PHLPP1: variants seen among roughly 807,000 people sequenced by gnomAD.
PHLPP1 encodes PH domain and leucine rich repeat protein phosphatase 1.
Under a neutral mutation model 117.2 loss-of-function variants are expected in PHLPP1, and 42 were observed. The observed-to-expected ratio is 0.36, with a 90% confidence interval of 0.28 to 0.46. PHLPP1 has a LOEUF of 0.46. Among genes scored for constraint, PHLPP1 ranks in the 20% least tolerant of loss-of-function variants. The pLI, the probability that PHLPP1 is intolerant of heterozygous loss-of-function variation, is 1.00. For missense variants in PHLPP1, 2,084 were observed against 2,241.9 expected, an observed-to-expected ratio of 0.93 and a Z score of 1.42; for synonymous variants, 1,042 against 970.7, an observed-to-expected ratio of 1.07 and a Z score of -1.37.
intron 14 of PHLPP1, among the ~76,000 whole-genome samples, chr18:62,968,340 A>G (rs1910960735): frequency 6.6e-6 from 1 of 152,110 alleles, no homozygotes; most frequent in Non-Finnish European, 1.5e-5. Context: ...AGCCTTCTTA[A>G]ATATTTAAAA....
intron 1 of PHLPP1, among the ~76,000 whole-genome samples, chr18:62,768,979 T>A (rs1274521364): frequency 6.6e-6 from 1 of 152,220 alleles, no homozygotes; most frequent in Non-Finnish European, 1.5e-5. Context: ...ATGGCTGCTA[T>A]CCTCATTGAT....
intron 1 of PHLPP1, among the ~76,000 whole-genome samples, chr18:62,807,865 G>T (rs1324146643): frequency 1.3e-5 from 2 of 152,196 alleles, no homozygotes; most frequent in African/African-American, 4.8e-5. Context: ...GTGGGTCAGT[G>T]AGTGAGTGGT....
Position 62,717,240 on chromosome 18 carries a change from C to T in PHLPP1, c.1557C>T (p.Cys519=), listed in dbSNP as rs751430213. ...AAGGCATGGACTCGGAGATTGGCTG[C>T]CTCATCCGCTTCTATGCAGGTAAGG... ...QEEGMDSEIG[C]LIRFYAGKPH... Residue 519 remains cysteine (C), a synonymous_variant, in exon 1 of 17, where the codon TGC becomes TGT. Transcript: ENST00000262719. 2 of 1,595,170 alleles carry T rather than the reference C, an allele frequency of 1.3e-6. No homozygotes were observed. The highest frequency in any genetic ancestry group is 1.3e-5 in the African/African-American group (1 of 74,608).
chr18:62,743,759 C>T (rs1478695360), intron 1 of PHLPP1, among the ~76,000 whole-genome samples: 2 of 151,972 alleles, frequency 1.3e-5, no homozygotes, highest in East Asian at 3.9e-4. Context: ...GCTCTTCTTC[C>T]CTCTCCTCTT....
intron 14 of PHLPP1, among the ~76,000 whole-genome samples, chr18:62,965,392 C>G (rs1297590104): frequency 4.6e-5 from 7 of 150,788 alleles, no homozygotes; most frequent in African/African-American, 1.7e-4. Flanking sequence ...GCCTTCCTGT[C>G]AGGTCATTTC....
intron 1 of PHLPP1, among the ~76,000 whole-genome samples, chr18:62,809,081 A>G (rs976395079): frequency 1.3e-5 from 2 of 152,218 alleles, no homozygotes; most frequent in African/African-American, 4.8e-5. Context: ...AGAATATTAA[A>G]TCTTTCTAAA....
chr18:62,852,104 T>C (rs1038740167), intron 3 of PHLPP1, among the ~76,000 whole-genome samples: 3 of 151,586 alleles, frequency 2.0e-5, no homozygotes, highest in African/African-American at 7.3e-5. Context: ...GGCCTCAATC[T>C]CCTGGACTCA....
intron 4 of PHLPP1, among the ~76,000 whole-genome samples, chr18:62,894,354 C>T (rs1916501412): frequency 6.6e-6 from 1 of 152,060 alleles, no homozygotes; most frequent in South Asian, 2.1e-4. Context: ...CACCACCAGG[C>T]CCGGCTAATT....
chr18:62,815,238 A>T (rs1192423242), intron 1 of PHLPP1, among the ~76,000 whole-genome samples: 1 of 150,978 alleles, frequency 6.6e-6, no homozygotes, highest in Non-Finnish European at 1.5e-5. Context: ...GCTCACTGCA[A>T]GCTCTGCCTC....
chr18:62,810,669 C>A (rs1419669172), intron 1 of PHLPP1, among the ~76,000 whole-genome samples: 2 of 152,150 alleles, frequency 1.3e-5, no homozygotes, highest in African/African-American at 4.8e-5. Context: ...TGTTCTGACT[C>A]AGGTTGGCTG....
intron 1 of PHLPP1, among the ~76,000 whole-genome samples, chr18:62,769,496 A>G (rs1214464586): frequency 1.3e-5 from 2 of 152,188 alleles, no homozygotes; most frequent in African/African-American, 4.8e-5. Flanking sequence ...CAAAGGATGT[A>G]TTCTTTGTTT....
At chr18:62,813,107 C>T (rs1453079398) in intron 1 of PHLPP1, among the ~76,000 whole-genome samples, 1 of 152,124 alleles carries the variant, frequency 6.6e-6, no homozygotes. Flanking sequence ...TTGCAAATTT[C>T]AAATATGTTT....
At chr18:62,846,438 T>G (rs1034208251) in intron 3 of PHLPP1, among the ~76,000 whole-genome samples, 2 of 151,788 alleles carry the variant, frequency 1.3e-5, no homozygotes, top group African/African-American at 4.8e-5. Flanking sequence ...GTGTTCACCA[T>G]GAAGACAAGA....
At chr18:62,725,174 C>G (rs1190270636) in intron 1 of PHLPP1, among the ~76,000 whole-genome samples, 1 of 151,984 alleles carries the variant, frequency 6.6e-6, no homozygotes, top group African/African-American at 2.4e-5. Flanking sequence ...GCCTGGCTAA[C>G]ATGGTGAAAC....
chr18:62,843,403 G>A (rs921050614), intron 3 of PHLPP1, among the ~76,000 whole-genome samples: 4 of 152,150 alleles, frequency 2.6e-5, no homozygotes, highest in African/African-American at 9.7e-5. Flanking sequence ...TGGATTTTCA[G>A]CTACAAGAGA....
chr18:62,929,764 A>G (rs1402128011), intron 10 of PHLPP1, among the ~76,000 whole-genome samples: 1 of 152,168 alleles, frequency 6.6e-6, no homozygotes, highest in African/African-American at 2.4e-5. Context: ...CCTGGGCAAC[A>G]TAGCAAGACC....
intron 4 of PHLPP1, 97 bp from the exon 5 acceptor site, chr18:62,894,914 T>A: frequency 9.7e-7 from 1 of 1,026,456 alleles, no homozygotes; most frequent in Non-Finnish European, 1.4e-6. Flanking sequence ...TAGTTGAATT[T>A]GGGAGTTGGG....
Position 62,715,805 on chromosome 18 carries a change from T to A in PHLPP1, c.122T>A (p.Leu41Gln). The A allele has an allele frequency of 2.7e-6, 2 of 728,800 alleles. No individual in the cohort carries two copies. The highest frequency in any genetic ancestry group is 3.4e-6 in the Non-Finnish European group (2 of 591,214). 45.1% of individuals were successfully genotyped at this position (728,800 alleles called of 1,614,324 possible). ...GCAGCAGCGGCGGCCGCGGCGGCTCTGGCGGCGGCGGCCGGGGGCGGCCGG... is the reference window on the plus strand; with the variant it reads ...GCAGCAGCGGCGGCCGCGGCGGCTCAGGCGGCGGCGGCCGGGGGCGGCCGG... ...AAAAAAAAAALAAAAGGGRSP... is the reference protein window; with the variant it reads ...AAAAAAAAAAQAAAAGGGRSP... Residue 41 changes from leucine to glutamine, a missense_variant, in exon 1 of 17, where the codon CTG (leucine) becomes CAG (glutamine). By Grantham distance (113) the Leu-to-Gln change is moderately radical. This residue lies in a region of PHLPP1 where 719 missense variants were observed against 636.0 expected (regional missense o/e 1.13). Transcript: ENST00000262719.
chr18:62,977,453 A>ACC (rs1911224927), intron 16 of PHLPP1, among the ~76,000 whole-genome samples: 1 of 117,582 alleles, frequency 8.5e-6, no homozygotes, highest in African/African-American at 3.3e-5. Flanking sequence ...AAAAAAAAAA[A>ACC]CCCAGGTCTT....
Sources: allele counts gnomAD v4.1 joint callset (sites outside exome capture counted in the v4.1 genomes callset), GRCh38; gene constraint gnomAD v4.1.1; regional missense constraint gnomAD v4.1.1; transcripts MANE v1.5; gene names NCBI Gene and HGNC (gene_info 2026-07-23, HGNC 2026-07-21).